GRM8: variants seen among roughly 807,000 people sequenced by gnomAD.
GRM8 encodes metabotropic glutamate receptor 8.
Under a neutral mutation model 87.2 loss-of-function variants are expected in GRM8, and 47 were observed. The ratio of observed to expected loss-of-function variants is 0.54; its 90% confidence interval spans 0.43 to 0.69. The LOEUF (loss-of-function observed/expected upper bound fraction) is 0.69, where lower values mean the gene tolerates loss of function less well. GRM8 is among the 30% of genes least tolerant of loss of function. GRM8 has a pLI of 0.00. For missense variants in GRM8, 1,019 were observed against 1,139.2 expected, an observed-to-expected ratio of 0.89 and a Z score of 1.52; for synonymous variants, 396 against 404.5, an observed-to-expected ratio of 0.98 and a Z score of 0.25.
At chr7:127,251,955 G>A (rs1423383764) in intron 1 of GRM8, among the ~76,000 whole-genome samples, 1 of 152,030 alleles carries the variant, frequency 6.6e-6, no homozygotes, top group Non-Finnish European at 1.5e-5. Context: ...GCCGTGCGGG[G>A]ATGTGGGTGT....
chr7:126,497,462 T>C (rs189957715), intron 9 of GRM8, among the ~76,000 whole-genome samples: 101 of 152,050 alleles, frequency 6.6e-4, no homozygotes, highest in African/African-American at 2.3e-3. Flanking sequence ...AAGTTACTAA[T>C]TTCTAAAGAG....
At chr7:126,560,727 T>C (rs1793605870) in intron 8 of GRM8, among the ~76,000 whole-genome samples, 1 of 152,182 alleles carries the variant, frequency 6.6e-6, no homozygotes, top group South Asian at 2.1e-4. Flanking sequence ...AGCATTCCAA[T>C]TTCAAGAAAT....
intron 3 of GRM8, among the ~76,000 whole-genome samples, chr7:127,065,512 T>G (rs1821018789): frequency 6.6e-6 from 1 of 152,076 alleles, no homozygotes; most frequent in African/African-American, 2.4e-5. Flanking sequence ...CCCCCAAACC[T>G]AAAATAAATT....
intron 3 of GRM8, among the ~76,000 whole-genome samples, chr7:127,002,094 G>T (rs1261143247): frequency 6.6e-6 from 1 of 151,448 alleles, no homozygotes; most frequent in African/African-American, 2.4e-5. Context: ...ATAATAAAAA[G>T]GGTCTATATC....
intron 6 of GRM8, among the ~76,000 whole-genome samples, chr7:126,861,379 C>T (rs1798122180): frequency 6.6e-6 from 1 of 151,910 alleles, no homozygotes; most frequent in Non-Finnish European, 1.5e-5. Flanking sequence ...AAAATCAATG[C>T]AGCTATTAAC....
intron 8 of GRM8, among the ~76,000 whole-genome samples, chr7:126,608,319 C>T (rs1387297270): frequency 6.6e-6 from 1 of 152,160 alleles, no homozygotes; most frequent in Non-Finnish European, 1.5e-5. Flanking sequence ...GCCCACCAGC[C>T]TGAGACACCT....
At chr7:126,756,838 C>T (rs1320646104) in intron 7 of GRM8, among the ~76,000 whole-genome samples, 1 of 152,070 alleles carries the variant, frequency 6.6e-6, no homozygotes, top group South Asian at 2.1e-4. Context: ...TACTCCTATA[C>T]ATTCCACTCA....
intron 6 of GRM8, among the ~76,000 whole-genome samples, chr7:126,814,811 A>G (rs1177555587): frequency 6.6e-6 from 1 of 151,296 alleles, no homozygotes; most frequent in African/African-American, 2.4e-5. Context: ...AGACTGCTGT[A>G]TAGGTCAACC....
chr7:126,693,398 T>C (rs1227406799), intron 7 of GRM8, among the ~76,000 whole-genome samples: 1 of 152,206 alleles, frequency 6.6e-6, no homozygotes, highest in Non-Finnish European at 1.5e-5. Flanking sequence ...CAACCACAGA[T>C]GATCATTGTA....
chr7:126,697,052 A>G (rs1219779996), intron 7 of GRM8, among the ~76,000 whole-genome samples: 2 of 152,090 alleles, frequency 1.3e-5, no homozygotes, highest in African/African-American at 2.4e-5. Context: ...TAAAAAAAAA[A>G]AGAAAATTCT....
chr7:126,657,422 C>A lies in GRM8; in HGVS notation c.1358-47924G>T, dbSNP rs190715755. The stretch of plus-strand genomic sequence containing the variant: ...TTCTTAGCAGTAAAAACAACCCCCC[C>A]CCAAAAAAGTCACATACAATTCCAA... On this transcript the variant is annotated intron_variant, in intron 7 of 10. Coordinates refer to ENST00000339582, the MANE Select transcript of GRM8 (RefSeq NM_000845.3). 3.6e-3 allele frequency among the ~76,000 whole-genome samples: 545 copies of A among 152,208 alleles called. 4 individuals carry two copies. Among genetic ancestry groups the A allele is most frequent in the African/African-American group, 0.013 (524 of 41,532 alleles).
chr7:127,086,839 C>T (rs1454118106), intron 3 of GRM8, among the ~76,000 whole-genome samples: 1 of 152,150 alleles, frequency 6.6e-6, no homozygotes, highest in Non-Finnish European at 1.5e-5. Context: ...TCTTGTTCCA[C>T]CTTCATTAAT....
chr7:126,837,981 C>A (rs1384391630), intron 6 of GRM8, among the ~76,000 whole-genome samples: 2 of 152,114 alleles, frequency 1.3e-5, no homozygotes, highest in Admixed American at 6.5e-5. Context: ...GAAAACATAT[C>A]CTCTTAAAGT....
intron 6 of GRM8, among the ~76,000 whole-genome samples, chr7:126,864,739 C>T (rs1165092723): frequency 6.6e-6 from 1 of 152,018 alleles, no homozygotes; most frequent in Non-Finnish European, 1.5e-5. Context: ...TCTGATATTG[C>T]AATTTTTTTT....
chr7:126,518,412 T>G (rs1170391244), intron 9 of GRM8, among the ~76,000 whole-genome samples: 1 of 152,104 alleles, frequency 6.6e-6, no homozygotes, highest in East Asian at 1.9e-4. Context: ...GTATCTGCTG[T>G]GGGCTATACT....
chr7:127,030,299 GTTCACCCCTCCC>G (rs374963510), intron 3 of GRM8, among the ~76,000 whole-genome samples: 41,424 of 151,978 alleles, frequency 0.27, 6,285 homozygotes, highest in African/African-American at 0.41. Context: ...TCCCCAGAAG[GTTCACCCCTCCC>G]AGTCTTCTTA....
intron 3 of GRM8, among the ~76,000 whole-genome samples, chr7:127,031,089 C>A (rs1424032637): frequency 6.6e-6 from 1 of 152,064 alleles, no homozygotes. Context: ...GCAGAGGAAC[C>A]ACACAGTTGG....
At chr7:126,496,275 G>A (rs988260633) in intron 9 of GRM8, among the ~76,000 whole-genome samples, 2 of 151,756 alleles carry the variant, frequency 1.3e-5, no homozygotes, top group African/African-American at 4.8e-5. Context: ...AAAGGAAGGA[G>A]GTAGGAGGGA....
chr7:126,806,319 G>A (rs1321950078), intron 6 of GRM8, among the ~76,000 whole-genome samples: 4 of 152,236 alleles, frequency 2.6e-5, no homozygotes, highest in Non-Finnish European at 5.9e-5. Context: ...GCCTTCAGGA[G>A]TGAAGCTGCA....
Sources: gnomAD v4.1 joint callset for allele counts (sites outside exome capture counted in the v4.1 genomes callset) on GRCh38, gnomAD v4.1.1 for gene constraint, MANE v1.5 for transcripts, NCBI Gene and HGNC (gene_info 2026-07-23, HGNC 2026-07-21) for gene names.